The following LEMD1 variants were observed in gnomAD, a reference collection of about 807,000 sequenced individuals.
LEMD1 encodes the protein LEM domain-containing protein 1.
Under a neutral mutation model 17.4 loss-of-function variants are expected in LEMD1, and 18 were observed. That is an observed-to-expected ratio of 1.04 (90% CI 0.72 to 1.54). The LOEUF (loss-of-function observed/expected upper bound fraction) is 1.54, where lower values mean the gene tolerates loss of function less well. Among genes scored for constraint, LEMD1 ranks in the 40% most tolerant of loss-of-function variants. The pLI, the probability that LEMD1 is intolerant of heterozygous loss-of-function variation, is 0.00. For missense variants in LEMD1, 195 were observed against 210.4 expected (o/e 0.93, Z 0.45); for synonymous variants, 88 against 77.8 (o/e 1.13, Z -0.69).
intron 4 of LEMD1, among the ~76,000 whole-genome samples, chr1:205,395,679 A>C (rs1664560967): frequency 6.6e-6 from 1 of 152,104 alleles, no homozygotes; most frequent in East Asian, 1.9e-4. Flanking sequence ...TTTAAAAGGC[A>C]CCAAGAAGAG....
intron 4 of LEMD1, among the ~76,000 whole-genome samples, chr1:205,389,542 C>T (rs1048834442): frequency 2.0e-5 from 3 of 152,116 alleles, no homozygotes; most frequent in Admixed American, 2.0e-4. Flanking sequence ...AGTTTCCTAC[C>T]CTTTCTTTCT....
In LEMD1 at chr1:205,448,278, G is replaced by A. The variant is rs747526157; in HGVS notation, c.-39+1590C>T. 5.0e-5 allele frequency: 26 copies of A among 518,188 alleles called. No homozygotes were observed. Among genetic ancestry groups the A allele is most frequent in the Non-Finnish European group, 7.7e-5 (19 of 247,112 alleles). The allele number at this position is 518,188 out of a possible 1,614,324, so 32.1% of individuals were successfully genotyped here. On this transcript the variant is annotated intron_variant, in intron 1 of 3. Coordinates refer to the LEMD1 transcript ENST00000367154. This position sits in a 1 kb window ranked among gnomAD's most constrained non-coding sequence, Gnocchi z 4.7. ...TGGCTGGCTCCGAACCTGGTCCCAT[G>A]GGAGGTGCAGCTGCGCAGGAGAAGG...
In LEMD1 at chr1:205,441,537, T is replaced by C. The variant is rs373208402; in HGVS notation, c.-39+8331A>G. On this transcript the variant is annotated intron_variant, in intron 1 of 3. Coordinates refer to the LEMD1 transcript ENST00000367154. This position sits in a 1 kb window ranked among gnomAD's most constrained non-coding sequence, Gnocchi z 4.3. ...CTCCATCCAAATGCGGACCCCTTCA[T>C]CCAGTGTAGCTTTACTTTGACACCT... is the stretch of plus-strand genomic sequence containing the variant. 2.0e-4 allele frequency among the ~76,000 whole-genome samples: 30 copies of C among 152,252 alleles called. No individual in the cohort carries two copies. Among genetic ancestry groups the C allele is most frequent in the African/African-American group, 6.7e-4 (28 of 41,552 alleles).
intron 4 of LEMD1, among the ~76,000 whole-genome samples, chr1:205,406,033 C>T (rs1178786016): frequency 3.3e-5 from 5 of 152,220 alleles, no homozygotes; most frequent in Non-Finnish European, 5.9e-5. Context: ...TCGTGATCCA[C>T]GAATGCTGCT....
At position 205,422,043 on chromosome 1, in the gene LEMD1, G is replaced by A. The variant is rs1414060804; in HGVS notation, c.-92C>T. ...CAATCGAGTTGGTTACTAAAGCTGG[G>A]TGAGTTTCACTCTGAGGTTTCCACT... On this transcript the variant is annotated 5_prime_UTR_variant, in exon 1 of 6. Transcript: ENST00000367153. 1 of 152,162 alleles carries A rather than the reference G, an allele frequency of 6.6e-6. No individual in the cohort carries two copies. The highest frequency in any genetic ancestry group is 1.5e-5 in the Non-Finnish European group (1 of 68,030). The allele number at this position is 152,162 out of a possible 1,614,324, so 9.4% of individuals were successfully genotyped here. A position where few individuals can be genotyped will look rare whatever the true frequency, so the allele number is the denominator to read the frequency against.
chr1:205,413,319 G>A (rs1323552693), intron 4 of LEMD1, among the ~76,000 whole-genome samples: 2 of 151,710 alleles, frequency 1.3e-5, no homozygotes, highest in Admixed American at 6.6e-5. Context: ...ACAGGGTCTC[G>A]CTCTGTCACC....
intron 4 of LEMD1, among the ~76,000 whole-genome samples, chr1:205,413,887 C>T (rs1665573057): frequency 6.6e-6 from 1 of 152,086 alleles, no homozygotes; most frequent in African/African-American, 2.4e-5. Context: ...CTCCTGGCCT[C>T]AAGTGATCCA....
At chr1:205,420,072 C>T (rs1446607142) in intron 2 of LEMD1, among the ~76,000 whole-genome samples, 6 of 152,198 alleles carry the variant, frequency 3.9e-5, no homozygotes, top group African/African-American at 9.7e-5. Context: ...AATTCCAGCA[C>T]TTTGGGAGGC....
rs1436219655 is a variant in LEMD1, at chr1:205,446,037, TAA to T, written c.-39+3829_-39+3830del. Among the ~76,000 whole-genome samples, 4 of 152,114 alleles carry T rather than the reference TAA, an allele frequency of 2.6e-5. No homozygotes were observed. In the East Asian group the frequency reaches 7.7e-4, roughly 29 times the overall value. ...TTATGCTGGGTATATCTGAGGACTGTAAAAAAGACTTAGATTGCTGGGAATAA... is the reference window on the plus strand; with the variant it reads ...TTATGCTGGGTATATCTGAGGACTGTAAAAGACTTAGATTGCTGGGAATAA... On this transcript the variant is annotated intron_variant, in intron 1 of 3. Transcript: ENST00000367154.
intron 3 of LEMD1, among the ~76,000 whole-genome samples, chr1:205,416,723 G>C (rs1207945262): frequency 6.6e-6 from 1 of 152,196 alleles, no homozygotes. Flanking sequence ...AAAATTGGGG[G>C]AACTGCTAGG....
At chr1:205,403,871 G>T (rs1664967732) in intron 4 of LEMD1, among the ~76,000 whole-genome samples, 1 of 151,738 alleles carries the variant, frequency 6.6e-6, no homozygotes, top group African/African-American at 2.4e-5. Flanking sequence ...ACACTGCTTT[G>T]AATGTGTCCC....
chr1:205,412,411 G>A (rs1451304444), intron 4 of LEMD1, among the ~76,000 whole-genome samples: 9 of 152,282 alleles, frequency 5.9e-5, no homozygotes, highest in Non-Finnish European at 1.3e-4. Flanking sequence ...TGATAAAGCA[G>A]ACACATACAG....
upstream of LEMD1, among the ~76,000 whole-genome samples, chr1:205,425,387 G>A (rs1391773393): frequency 6.6e-6 from 1 of 152,154 alleles, no homozygotes; most frequent in East Asian, 1.9e-4. Context: ...GAGGTGCGGA[G>A]GGGGAGGACA....
rs939799337 is a variant in LEMD1, at chr1:205,446,921, T to C, written c.-39+2947A>G. 5.9e-4 allele frequency among the ~76,000 whole-genome samples: 90 copies of C among 152,340 alleles called. 1 individual carries two copies. Among genetic ancestry groups the C allele is most frequent in the African/African-American group, 2.1e-3 (86 of 41,570 alleles). On this transcript the variant is annotated intron_variant, in intron 1 of 3. Coordinates refer to the LEMD1 transcript ENST00000367154. ...GATTTCTCTTTGCTTCTCCTATTGTTCTGATCCCCCCGCTCCCCCCGACCT... is the reference window on the plus strand; with the variant it reads ...GATTTCTCTTTGCTTCTCCTATTGTCCTGATCCCCCCGCTCCCCCCGACCT...
chr1:205,429,225 C>T (rs1414637994), intron 1 of LEMD1, among the ~76,000 whole-genome samples: 5 of 152,284 alleles, frequency 3.3e-5, no homozygotes, highest in Non-Finnish European at 7.3e-5. Context: ...GCTTGGGCAG[C>T]GGAGGAGATG....
chr1:205,420,655 A>C, intron 1 of LEMD1, 81 bp from the exon 2 acceptor site: 1 of 770,272 alleles, frequency 1.3e-6, no homozygotes, highest in South Asian at 1.5e-5. Flanking sequence ...ATAAGTGTTT[A>C]TAATCCTATC....
intron 4 of LEMD1, among the ~76,000 whole-genome samples, chr1:205,404,535 T>C (rs1402860591): frequency 6.6e-6 from 1 of 152,212 alleles, no homozygotes; most frequent in Non-Finnish European, 1.5e-5. Context: ...CCTGCCTTTT[T>C]TTGTTTTCCA....
chr1:205,424,613 C>A (rs187793265), upstream of LEMD1, among the ~76,000 whole-genome samples: 156 of 152,204 alleles, frequency 1.0e-3, no homozygotes, highest in Non-Finnish European at 1.9e-3. Context: ...CTGCAGGAGC[C>A]CAGAATCTGA....
At chr1:205,389,656 A>C (rs759469700) in intron 4 of LEMD1, among the ~76,000 whole-genome samples, 1 of 152,202 alleles carries the variant, frequency 6.6e-6, no homozygotes, top group Admixed American at 6.5e-5. Context: ...AACATAATAC[A>C]TTCTCCAATT....
Sources: allele counts gnomAD v4.1 joint callset (sites outside exome capture counted in the v4.1 genomes callset), GRCh38; gene constraint gnomAD v4.1.1; non-coding constraint Gnocchi (gnomAD v3.1); transcripts MANE v1.5; gene names NCBI Gene and HGNC (gene_info 2026-07-23, HGNC 2026-07-21).